Variants in ACOT7 observed in about 807,000 individuals in gnomAD.
The protein encoded by ACOT7 is acyl-CoA thioesterase 7.
Under a neutral mutation model 40.2 loss-of-function variants are expected in ACOT7, and 12 were observed. That is an observed-to-expected ratio of 0.30 (90% CI 0.19 to 0.48). ACOT7 has a LOEUF of 0.48. Ranked by LOEUF, ACOT7 falls within the 20% of genes least tolerant of loss-of-function variation. The pLI, the probability that ACOT7 is intolerant of heterozygous loss-of-function variation, is 0.99. For synonymous variants in ACOT7, 228 were observed against 219.5 expected (o/e 1.04, Z -0.34); for missense variants, 395 against 530.8 (o/e 0.74, Z 2.51).
At chr1:6,343,036 A>G (rs1485956197) in intron 2 of ACOT7, among the ~76,000 whole-genome samples, 1 of 152,214 alleles carries the variant, frequency 6.6e-6, no homozygotes, top group Non-Finnish European at 1.5e-5. Flanking sequence ...CATTGACAGC[A>G]TGACACTGAG....
rs1638758559 is a variant in ACOT7, at chr1:6,264,590, A to AG, written c.*6dup. On this transcript the variant is annotated 3_prime_UTR_variant, in exon 9 of 9. Coordinates refer to ENST00000361521, the MANE Select transcript of ACOT7 (RefSeq NM_007274.4). Reference sequence around the variant, plus strand: ...TACTCGAGGCACCAGTGGCAGGAGGAGGGAGTCTAGGGCTGAGGCTCCGCG... The same window carrying AG: ...TACTCGAGGCACCAGTGGCAGGAGGAGGGGAGTCTAGGGCTGAGGCTCCGCG... The AG allele has an allele frequency of 4.4e-6, 7 of 1,607,932 alleles. No homozygotes were observed. Among genetic ancestry groups the AG allele is most frequent in the Non-Finnish European group, 5.9e-6 (7 of 1,177,770 alleles).
rs34387892 is a variant in ACOT7 at position 6,289,760 on chromosome 1, G to T, written c.829+5104C>A. Among the ~76,000 whole-genome samples, 12,080 of 152,146 alleles carry T rather than the reference G, an allele frequency of 0.079. 537 individuals are homozygous for T. The highest frequency in any genetic ancestry group is 0.11 in the Non-Finnish European group (7,304 of 68,002). On this transcript the variant is annotated intron_variant, in intron 7 of 8. Transcript: ENST00000361521. This position sits in a 1 kb window ranked among gnomAD's most constrained non-coding sequence, Gnocchi z 4.6. ...TGCCCAGGCTGGTCTCGAACCCCTGGCTTAAGCAATCCTCCTACTTTAGCA... is the reference window on the plus strand; with the variant it reads ...TGCCCAGGCTGGTCTCGAACCCCTGTCTTAAGCAATCCTCCTACTTTAGCA...
At chr1:6,318,735 A>G (rs936352219) in intron 5 of ACOT7, among the ~76,000 whole-genome samples, 157 bp from the exon 6 acceptor site, 8 of 152,240 alleles carry the variant, frequency 5.3e-5, no homozygotes, top group Non-Finnish European at 8.8e-5. Flanking sequence ...TATGGTCTCC[A>G]AACAGGCTAC....
At chr1:6,310,528 G>GT (rs1340001377) in intron 6 of ACOT7, among the ~76,000 whole-genome samples, 2 of 152,234 alleles carry the variant, frequency 1.3e-5, no homozygotes, top group Non-Finnish European at 2.9e-5. Flanking sequence ...AGGGACATGG[G>GT]TGGGAGATTG....
At chr1:6,385,957 C>T in intron 1 of ACOT7, 1 of 696,452 alleles carries the variant, frequency 1.4e-6, no homozygotes, top group African/African-American at 1.8e-5. Flanking sequence ...GGGCCACCAC[C>T]CCTCTGCGGG....
intron 1 of ACOT7, among the ~76,000 whole-genome samples, chr1:6,370,491 T>TATTATC (rs1316944955): frequency 6.8e-6 from 1 of 147,966 alleles, no homozygotes; most frequent in Non-Finnish European, 1.5e-5. Flanking sequence ...TTATTATTAT[T>TATTATC]ATTATTATTA....
rs183478382 is a variant in ACOT7 at position 6,312,342 on chromosome 1, A to T, written c.712+6150T>A. ...CATTTCAAAATAACTAAAAGAGTGT[A>T]AGTGGATTGTTTGTAACACAAAAGA... On this transcript the variant is annotated intron_variant, in intron 6 of 8. Coordinates refer to ENST00000361521, the MANE Select transcript of ACOT7 (RefSeq NM_007274.4). Among the ~76,000 whole-genome samples the T allele has an allele frequency of 5.3e-4, 81 of 152,328 alleles. No individual in the cohort carries two copies. In the East Asian group the frequency reaches 0.013, roughly 25 times the overall value.
chr1:6,271,236 C>G (rs1219439561), intron 8 of ACOT7, among the ~76,000 whole-genome samples: 1 of 152,322 alleles, frequency 6.6e-6, no homozygotes, highest in Middle Eastern at 3.4e-3. Context: ...GTATGGAGGA[C>G]GAGTGACTAA....
rs773157928 is a variant in ACOT7 at position 6,294,971 on chromosome 1, A to G, written c.722T>C (p.Met241Thr). ...LHGFVHGGVT[M>T]KLMDEVAGIV... ...CCCGGCGACCTCATCCATGAGCTTC[A>G]TGGTCACACCTGCGGAGAAAGGGAC... Residue 241 changes from methionine to threonine, a missense_variant, in exon 7 of 9, where the codon ATG (methionine) becomes ACG (threonine). By Grantham distance (81) the Met-to-Thr change is moderately conservative (BLOSUM62 -1). Coordinates refer to ENST00000361521, the MANE Select transcript of ACOT7 (RefSeq NM_007274.4). The surrounding 1 kb of genome is among the most constrained non-coding windows in gnomAD (Gnocchi z 4.6). The G allele has an allele frequency of 5.0e-6, 8 of 1,613,322 alleles. No homozygotes were observed. The highest frequency in any genetic ancestry group is 1.3e-5 in the African/African-American group (1 of 74,928).
At chr1:6,297,623 A>G (rs1639845586) in intron 6 of ACOT7, among the ~76,000 whole-genome samples, 3 of 152,172 alleles carry the variant, frequency 2.0e-5, no homozygotes, top group Admixed American at 2.0e-4. Flanking sequence ...TCTGGACTCT[A>G]CCAACTAGAG....
intron 1 of ACOT7, among the ~76,000 whole-genome samples, chr1:6,362,304 G>A (rs948680330): frequency 1.3e-5 from 2 of 151,756 alleles, no homozygotes; most frequent in Non-Finnish European, 2.9e-5. Flanking sequence ...GGTGGTGGGC[G>A]CCTGTAATGC....
chr1:6,332,294 G>A (rs993948761), intron 4 of ACOT7, among the ~76,000 whole-genome samples: 2 of 152,360 alleles, frequency 1.3e-5, no homozygotes, highest in East Asian at 1.9e-4. Context: ...TGTGGCCTGT[G>A]GACCGCAGGG....
intron 5 of ACOT7, among the ~76,000 whole-genome samples, chr1:6,324,288 A>G (rs1279968056): frequency 3.3e-5 from 5 of 152,232 alleles, no homozygotes; most frequent in Admixed American, 3.3e-4. Context: ...GAAATATTTA[A>G]AAGCCGAGTC....
chr1:6,279,610 G>A (rs766665152), intron 8 of ACOT7, among the ~76,000 whole-genome samples: 37 of 152,340 alleles, frequency 2.4e-4, no homozygotes, highest in Non-Finnish European at 4.0e-4. Flanking sequence ...CTTCCTTTCA[G>A]CCTGGCCGAG....
At chr1:6,305,275 G>C (rs548612416) in intron 6 of ACOT7, among the ~76,000 whole-genome samples, 1 of 145,496 alleles carries the variant, frequency 6.9e-6, no homozygotes, top group South Asian at 2.2e-4. Flanking sequence ...CCTCCCGGAC[G>C]GGGCGGCTGT....
intron 5 of ACOT7, among the ~76,000 whole-genome samples, chr1:6,319,739 T>C (rs887178893): frequency 6.6e-6 from 1 of 152,204 alleles, no homozygotes; most frequent in African/African-American, 2.4e-5. Flanking sequence ...CTTCCAAGCC[T>C]GGTCCAGCCC....
rs545161682 is a variant in ACOT7 at position 6,278,908 on chromosome 1, G to C, written c.1014+2194C>G. Among the ~76,000 whole-genome samples, 20 of 152,338 alleles carry C rather than the reference G, an allele frequency of 1.3e-4. No homozygotes were observed. Among genetic ancestry groups the C allele is most frequent in the African/African-American group, 4.8e-4 (20 of 41,580 alleles). Reference sequence around the variant, plus strand: ...CTTGCGTCTGTCCATGCTGCCCGCAGAGGGAAGACAGAACTGGGAAAGTTT... The same window carrying C: ...CTTGCGTCTGTCCATGCTGCCCGCACAGGGAAGACAGAACTGGGAAAGTTT... On this transcript the variant is annotated intron_variant, in intron 8 of 8. Transcript: ENST00000361521. The surrounding 1 kb of genome is among the most constrained non-coding windows in gnomAD (Gnocchi z 4.1).
At chr1:6,304,972 C>T (rs1318421786) in intron 6 of ACOT7, among the ~76,000 whole-genome samples, 3 of 149,002 alleles carry the variant, frequency 2.0e-5, no homozygotes, top group African/African-American at 7.6e-5. Context: ...TAGGGGCGGC[C>T]GGGCAGAGGC....
At chr1:6,321,538 G>A (rs72633418) in intron 5 of ACOT7, among the ~76,000 whole-genome samples, 22,704 of 151,920 alleles carry the variant, frequency 0.15, 1,847 homozygotes, top group African/African-American at 0.22. Flanking sequence ...TTTTTGAGAC[G>A]GAGTCTCGCT....
Sources: allele counts gnomAD v4.1 joint callset (sites outside exome capture counted in the v4.1 genomes callset), GRCh38; gene constraint gnomAD v4.1.1; non-coding constraint Gnocchi (gnomAD v3.1); transcripts MANE v1.5; gene names NCBI Gene and HGNC (gene_info 2026-07-23, HGNC 2026-07-21).